CDH8: variants seen among roughly 807,000 people sequenced by gnomAD.
CDH8 encodes cadherin 8.
A neutral mutation model predicts 68.1 loss-of-function variants in CDH8; 17 were observed. The observed-to-expected ratio is 0.25, with a 90% CI of 0.17 to 0.37. CDH8 has a LOEUF of 0.37. CDH8 is among the 10% of genes least tolerant of loss of function. The pLI is 1.00. For synonymous variants in CDH8, 372 were observed against 365.1 expected, an observed-to-expected ratio of 1.02 and a Z score of -0.21; for missense variants, 763 against 999.3, an observed-to-expected ratio of 0.76 and a Z score of 3.19.
intron 7 of CDH8, among the ~76,000 whole-genome samples, chr16:61,800,297 C>G (rs1041595569): frequency 9.2e-5 from 14 of 152,190 alleles, no homozygotes; most frequent in Non-Finnish European, 1.5e-5. Flanking sequence ...AATGTCTACC[C>G]ACACGGTCTC....
chr16:61,816,206 T>G (rs1239272039), intron 7 of CDH8, among the ~76,000 whole-genome samples: 1 of 152,160 alleles, frequency 6.6e-6, no homozygotes, highest in African/African-American at 2.4e-5. Context: ...ATTCTGAATT[T>G]AGAAATGATT....
rs1434796159 is a variant in CDH8, at chr16:61,768,386, CTCTCTCTCCCTT to C, written c.1414+20948_1414+20959del. On this transcript the variant is annotated intron_variant, in intron 8 of 11. Coordinates refer to ENST00000577390, the MANE Select transcript of CDH8 (RefSeq NM_001796.5). ...TCTCTCTCCCTTTCTCTCTCTCTCT[CTCTCTCTCCCTT>C]TCTCTCTCTCTCTCTCTCTCTCTCT... Among the ~76,000 whole-genome samples, 334 of 86,754 alleles carry C rather than the reference CTCTCTCTCCCTT, an allele frequency of 3.8e-3. 5 individuals carry two copies. The highest frequency in any genetic ancestry group is 4.5e-3 in the Non-Finnish European group (196 of 43,302). The allele number at this position is 86,754 out of a possible 152,430, so 56.9% of individuals were successfully genotyped here. A position where few individuals can be genotyped will look rare whatever the true frequency, so the allele number is the denominator to read the frequency against.
chr16:61,855,925 C>T (rs549319420), intron 4 of CDH8, among the ~76,000 whole-genome samples: 5 of 152,098 alleles, frequency 3.3e-5, no homozygotes, highest in East Asian at 3.9e-4. Flanking sequence ...TTCTTGGCTG[C>T]GGAAGGATAT....
chr16:61,695,909 A>T (rs1964316558), intron 10 of CDH8, among the ~76,000 whole-genome samples: 1 of 152,126 alleles, frequency 6.6e-6, no homozygotes, highest in South Asian at 2.1e-4. Flanking sequence ...TGAACATCAA[A>T]TTTTGATCTA....
At chr16:61,658,504 T>C (rs1963495657) in intron 10 of CDH8, among the ~76,000 whole-genome samples, 1 of 152,064 alleles carries the variant, frequency 6.6e-6, no homozygotes. Flanking sequence ...ACTTATAACT[T>C]ACCTACTGAT....
chr16:61,897,254 T>C (rs1236587744), intron 3 of CDH8, among the ~76,000 whole-genome samples: 2 of 151,922 alleles, frequency 1.3e-5, no homozygotes, highest in Non-Finnish European at 2.9e-5. Flanking sequence ...ATTACGTAGC[T>C]GATAATTTTT....
At chr16:61,943,251 G>T (rs115128858) in intron 2 of CDH8, among the ~76,000 whole-genome samples, 2 of 152,078 alleles carry the variant, frequency 1.3e-5, no homozygotes, top group South Asian at 4.1e-4. Flanking sequence ...ATCTGGATTC[G>T]TCTGTATTTC....
intron 2 of CDH8, among the ~76,000 whole-genome samples, chr16:61,947,928 C>T (rs1964825771): frequency 1.3e-5 from 2 of 152,156 alleles, no homozygotes; most frequent in Admixed American, 1.3e-4. Flanking sequence ...GATAGTCAGG[C>T]AAACTCTGTG....
At chr16:61,688,936 A>C (rs963316458) in intron 10 of CDH8, among the ~76,000 whole-genome samples, 11 of 151,992 alleles carry the variant, frequency 7.2e-5, no homozygotes, top group African/African-American at 2.7e-4. Context: ...GCTCAGTGAA[A>C]GGATTACCTT....
At chr16:61,667,697 C>G (rs1567411768) in intron 10 of CDH8, 1 of 152,012 alleles carries the variant, frequency 6.6e-6, no homozygotes, top group South Asian at 2.1e-4. Flanking sequence ...TGTTGTTTTA[C>G]ACTTTCCAGT....
In CDH8 at chr16:61,968,096, G is replaced by C. The variant is rs554556390; in HGVS notation, c.252+53056C>G. Among the ~76,000 whole-genome samples, 6 of 152,146 alleles carry C rather than the reference G, an allele frequency of 3.9e-5. No homozygotes were observed. The South Asian group carries it at 1.0e-3, about 26-fold the overall frequency. On this transcript the variant is annotated intron_variant, in intron 2 of 11. Transcript: ENST00000577390. Reference sequence around the variant, plus strand: ...AAGAGCTGGGATTACATAAGCAACCGGGCTGGGCCTAGAGATCATTATTTT... The same window carrying C: ...AAGAGCTGGGATTACATAAGCAACCCGGCTGGGCCTAGAGATCATTATTTT...
chr16:61,757,642 G>C (rs1032126987), intron 8 of CDH8, among the ~76,000 whole-genome samples: 6 of 152,130 alleles, frequency 3.9e-5, no homozygotes, highest in Non-Finnish European at 8.8e-5. Flanking sequence ...GAAGTTAGCA[G>C]CTTCTATCTC....
intron 8 of CDH8, among the ~76,000 whole-genome samples, chr16:61,773,312 G>C (rs1960825168): frequency 6.6e-6 from 1 of 151,962 alleles, no homozygotes; most frequent in Non-Finnish European, 1.5e-5. Context: ...TTGTGTGAAT[G>C]ATTTGCTAGA....
At chr16:61,939,503 T>C (rs536438685) in intron 2 of CDH8, among the ~76,000 whole-genome samples, 1 of 152,334 alleles carries the variant, frequency 6.6e-6, no homozygotes, top group South Asian at 2.1e-4. Flanking sequence ...AGGTGACTTT[T>C]ACTGCGATGT....
chr16:61,898,095 T>C (rs1419995655), intron 3 of CDH8, among the ~76,000 whole-genome samples: 2 of 151,016 alleles, frequency 1.3e-5, no homozygotes, highest in Non-Finnish European at 3.0e-5. Context: ...AGGTCAGGAG[T>C]TCAAAAGCAG....
intron 2 of CDH8, among the ~76,000 whole-genome samples, chr16:61,994,836 A>G (rs1053587191): frequency 1.3e-5 from 2 of 152,194 alleles, no homozygotes; most frequent in Non-Finnish European, 2.9e-5. Context: ...TTGTTTCTCA[A>G]TCCCCCTGCA....
At chr16:61,961,387 C>G (rs1323083916) in intron 2 of CDH8, among the ~76,000 whole-genome samples, 2 of 152,146 alleles carry the variant, frequency 1.3e-5, no homozygotes, top group Admixed American at 6.6e-5. Flanking sequence ...GAATCCCTGT[C>G]AAACACTTCT....
At chr16:61,857,643 C>T (rs1228877920) in intron 3 of CDH8, among the ~76,000 whole-genome samples, 2 of 152,102 alleles carry the variant, frequency 1.3e-5, no homozygotes, top group Non-Finnish European at 2.9e-5. Context: ...GAAAAATTGG[C>T]TGCTGAAAAG....
intron 2 of CDH8, among the ~76,000 whole-genome samples, chr16:61,924,530 T>C (rs1444186534): frequency 1.3e-5 from 2 of 152,130 alleles, no homozygotes; most frequent in African/African-American, 2.4e-5. Flanking sequence ...CTACTGAAAG[T>C]TGTTGAAAAT....
Sources: allele counts gnomAD v4.1 joint callset (sites outside exome capture counted in the v4.1 genomes callset), GRCh38; gene constraint gnomAD v4.1.1; transcripts MANE v1.5; gene names NCBI Gene and HGNC (gene_info 2026-07-23, HGNC 2026-07-21).